Variants in FHIP1A observed in about 807,000 individuals in gnomAD.
The protein encoded by FHIP1A is FHF complex subunit HOOK-interacting protein 1A.
A neutral mutation model predicts 88.6 loss-of-function variants in FHIP1A; 61 were observed. That is an observed-to-expected ratio of 0.69 (90% CI 0.56 to 0.85). The LOEUF (loss-of-function observed/expected upper bound fraction) is 0.85, where lower values mean the gene tolerates loss of function less well. Ranked by LOEUF, FHIP1A falls within the 40% of genes least tolerant of loss-of-function variation. The probability of loss-of-function intolerance (pLI) is 0.00; values close to 1 mark genes in which losing one functional copy is unlikely to be tolerated. For synonymous variants in FHIP1A, 478 were observed against 496.0 expected, an observed-to-expected ratio of 0.96 and a Z score of 0.48; for missense variants, 1,154 against 1,273.5, an observed-to-expected ratio of 0.91 and a Z score of 1.43.
At chr4:151,658,346 G>A (rs1050987153) in intron 13 of FHIP1A, among the ~76,000 whole-genome samples, 3 of 152,186 alleles carry the variant, frequency 2.0e-5, no homozygotes, top group Non-Finnish European at 4.4e-5. Context: ...TTGCTGATCT[G>A]GGCCAGGCTG....
At chr4:151,437,203 A>G (rs993255701) in intron 1 of FHIP1A, among the ~76,000 whole-genome samples, 1 of 152,224 alleles carries the variant, frequency 6.6e-6, no homozygotes, top group East Asian at 1.9e-4. Context: ...ATTGAGTATT[A>G]GTAAGCCATT....
chr4:151,465,640 C>T (rs1000767105), intron 2 of FHIP1A, among the ~76,000 whole-genome samples: 1 of 152,166 alleles, frequency 6.6e-6, no homozygotes, highest in African/African-American at 2.4e-5. Flanking sequence ...TACTGGCAAA[C>T]CAAATCCAGC....
At chr4:151,429,297 C>G (rs1157955361) in intron 1 of FHIP1A, among the ~76,000 whole-genome samples, 1 of 152,142 alleles carries the variant, frequency 6.6e-6, no homozygotes, top group Non-Finnish European at 1.5e-5. Flanking sequence ...TTAGGTACAC[C>G]ATAAATATTT....
chr4:151,587,016 T>A (rs1483705467), intron 6 of FHIP1A, among the ~76,000 whole-genome samples: 1 of 152,230 alleles, frequency 6.6e-6, no homozygotes, highest in Non-Finnish European at 1.5e-5. Flanking sequence ...AGATTTTCTT[T>A]ATCTTCTTTA....
intron 2 of FHIP1A, among the ~76,000 whole-genome samples, chr4:151,469,853 C>T (rs952728304): frequency 1.2e-4 from 18 of 152,120 alleles, no homozygotes; most frequent in East Asian, 7.7e-4. Context: ...GGTCAGGAGA[C>T]GGCAAATCAT....
intron 3 of FHIP1A, among the ~76,000 whole-genome samples, chr4:151,542,514 C>T (rs1308594212): frequency 6.6e-6 from 1 of 152,186 alleles, no homozygotes; most frequent in African/African-American, 2.4e-5. Flanking sequence ...AGTATTCTCT[C>T]TCTCTCTCAA....
At chr4:151,426,525 G>A (rs561807211) in intron 1 of FHIP1A, among the ~76,000 whole-genome samples, 2 of 152,212 alleles carry the variant, frequency 1.3e-5, no homozygotes, top group South Asian at 4.2e-4. Flanking sequence ...GTTTAAATAG[G>A]ATAATCAATT....
chr4:151,540,059 A>G (rs1052043409), intron 3 of FHIP1A, among the ~76,000 whole-genome samples: 3 of 152,238 alleles, frequency 2.0e-5, no homozygotes, highest in Non-Finnish European at 4.4e-5. Context: ...TTTGACCTTC[A>G]ATCAGCAGAC....
chr4:151,421,960 C>G (rs546398481), intron 1 of FHIP1A, among the ~76,000 whole-genome samples: 19 of 151,940 alleles, frequency 1.3e-4, no homozygotes, highest in African/African-American at 4.6e-4. Flanking sequence ...CCAAAGTATG[C>G]AAGTTAGCAA....
At chr4:151,607,573 T>TA (rs1560796470) in intron 7 of FHIP1A, among the ~76,000 whole-genome samples, 1 of 152,220 alleles carries the variant, frequency 6.6e-6, no homozygotes, top group Non-Finnish European at 1.5e-5. Context: ...ATTCAACTGA[T>TA]ACAATTTTGG....
chr4:151,534,048 C>G (rs1455565766), intron 3 of FHIP1A, among the ~76,000 whole-genome samples: 1 of 152,200 alleles, frequency 6.6e-6, no homozygotes, highest in African/African-American at 2.4e-5. Flanking sequence ...ACTTAAATCT[C>G]AAATTGTAGA....
chr4:151,528,110 T>C (rs549182452), intron 3 of FHIP1A, among the ~76,000 whole-genome samples: 2 of 152,338 alleles, frequency 1.3e-5, no homozygotes, highest in East Asian at 3.9e-4. Context: ...GTGAATACTT[T>C]GTCAATACAG....
At chr4:151,625,584 T>C (rs576128378) in intron 7 of FHIP1A, among the ~76,000 whole-genome samples, 6 of 152,254 alleles carry the variant, frequency 3.9e-5, no homozygotes, top group Non-Finnish European at 7.4e-5. Context: ...CGCCGTGCAA[T>C]AAGTTAATGT....
At chr4:151,446,581 C>CTTTTTTTTTT (rs35115788) in intron 1 of FHIP1A, among the ~76,000 whole-genome samples, 1 of 109,968 alleles carries the variant, frequency 9.1e-6, no homozygotes, top group African/African-American at 3.4e-5. Flanking sequence ...TGTTCTTTTT[C>CTTTTTTTTTT]TTTTTTTTTT....
Position 151,604,675 on chromosome 4 carries a change from C to G in FHIP1A, c.978+15749C>G, listed in dbSNP as rs542966019. Among the ~76,000 whole-genome samples the G allele has an allele frequency of 3.3e-5, 5 of 152,062 alleles. No homozygotes were observed. The South Asian group carries it at 1.0e-3, about 32-fold the overall frequency. ...ACCAGCTTGGCCAACACAGTGAAAC[C>G]TTGTCTCTACTAAAGATACAAAAAT... On this transcript the variant is annotated intron_variant, in intron 7 of 13. Transcript: ENST00000435205.
At chr4:151,598,580 T>C (rs986846125) in intron 7 of FHIP1A, among the ~76,000 whole-genome samples, 3 of 152,350 alleles carry the variant, frequency 2.0e-5, no homozygotes, top group South Asian at 4.1e-4. Flanking sequence ...TCTCAACTTA[T>C]GCATAACATT....
intron 3 of FHIP1A, among the ~76,000 whole-genome samples, chr4:151,502,319 A>AAAACAAAC (rs70941501): frequency 3.0e-4 from 45 of 149,574 alleles, no homozygotes; most frequent in African/African-American, 1.0e-3. Context: ...CCCATCTCAA[A>AAAACAAAC]AAACAAACAA....
chr4:151,446,575 C>CTTTT (rs1580575050), intron 1 of FHIP1A, among the ~76,000 whole-genome samples: 1 of 79,448 alleles, frequency 1.3e-5, no homozygotes, highest in Admixed American at 1.3e-4. Context: ...ATGTGTTGTT[C>CTTTT]TTTTTCTTTT....
chr4:151,462,367 C>G (rs1276754637), intron 2 of FHIP1A, among the ~76,000 whole-genome samples: 1 of 152,088 alleles, frequency 6.6e-6, no homozygotes, highest in Non-Finnish European at 1.5e-5. Flanking sequence ...CCAATACTTA[C>G]CTGTTCACTG....
Sources: allele counts gnomAD v4.1 joint callset (sites outside exome capture counted in the v4.1 genomes callset), GRCh38; gene constraint gnomAD v4.1.1; transcripts MANE v1.5; gene names NCBI Gene and HGNC (gene_info 2026-07-23, HGNC 2026-07-21).